Variants in AFAP1 observed in about 807,000 individuals in gnomAD.
AFAP1 encodes actin filament associated protein 1, also known as actin filament-associated protein 1.
In AFAP1, 75 loss-of-function variants were observed where a neutral mutation model predicts 93.9. The ratio of observed to expected loss-of-function variants is 0.80; its 90% CI spans 0.66 to 0.97. AFAP1 has a LOEUF of 0.97. Ranked by LOEUF, AFAP1 falls within the 50% of genes least tolerant of loss-of-function variation. The pLI is 0.00. For synonymous variants in AFAP1, 517 were observed against 430.7 expected (o/e 1.20, Z -2.48); for missense variants, 1,201 against 1,050.8 (o/e 1.14, Z -1.98).
intron 17 of AFAP1, among the ~76,000 whole-genome samples, chr4:7,764,279 G>A (rs751148062): frequency 8.5e-5 from 13 of 152,362 alleles, no homozygotes; most frequent in Middle Eastern, 3.4e-3. Flanking sequence ...AGTGGCTCAC[G>A]CCTGGAATCC....
At chr4:7,865,203 T>C (rs1429163808) in intron 3 of AFAP1, among the ~76,000 whole-genome samples, 3 of 152,134 alleles carry the variant, frequency 2.0e-5, no homozygotes, top group African/African-American at 7.2e-5. Context: ...CGGTCCTACA[T>C]CAAAACACAG....
chr4:7,771,213 G>C (rs1715381178), intron 16 of AFAP1, among the ~76,000 whole-genome samples: 1 of 152,226 alleles, frequency 6.6e-6, no homozygotes, highest in African/African-American at 2.4e-5. Flanking sequence ...ACAGTTTGTA[G>C]CACACAGAGG....
At chr4:7,893,365 C>T (rs936794940) in intron 1 of AFAP1, among the ~76,000 whole-genome samples, 3 of 151,990 alleles carry the variant, frequency 2.0e-5, no homozygotes, top group Non-Finnish European at 2.9e-5. Flanking sequence ...CGGATCACGA[C>T]GTTAGGAGAT....
intron 6 of AFAP1, among the ~76,000 whole-genome samples, chr4:7,821,968 G>A (rs911083460): frequency 6.6e-6 from 1 of 152,216 alleles, no homozygotes; most frequent in Non-Finnish European, 1.5e-5. Context: ...GCCGAGGTGT[G>A]GAAGCATGAG....
At chr4:7,839,360 A>G (rs1365497770) in intron 5 of AFAP1, among the ~76,000 whole-genome samples, 1 of 97,376 alleles carries the variant, frequency 1.0e-5, no homozygotes, top group African/African-American at 5.5e-5. Context: ...AAAACAAAAC[A>G]AAAAAACCCA....
rs1490351972 is a variant in AFAP1 at position 7,921,025 on chromosome 4, T to G, written c.-3+18631A>C. 2.6e-5 allele frequency among the ~76,000 whole-genome samples: 4 copies of G among 151,536 alleles called. No individual in the cohort carries two copies. In the East Asian group the frequency reaches 7.7e-4, roughly 29 times the overall value. The stretch of plus-strand genomic sequence containing the variant: ...CCATAAATAAATAAATAAATATGGG[T>G]TTTTTTAATACCAGTTTGCCTCCAA... On this transcript the variant is annotated intron_variant, in intron 1 of 17. Coordinates refer to ENST00000420658, the MANE Select transcript of AFAP1 (RefSeq NM_001134647.2).
intron 1 of AFAP1, among the ~76,000 whole-genome samples, chr4:7,880,250 G>C (rs929644558): frequency 6.7e-6 from 1 of 150,080 alleles, no homozygotes; most frequent in Non-Finnish European, 1.5e-5. Context: ...GGATTTGAAA[G>C]CTAGGAGGGA....
chr4:7,825,708 A>G (rs1476270654), intron 6 of AFAP1, among the ~76,000 whole-genome samples: 1 of 152,218 alleles, frequency 6.6e-6, no homozygotes, highest in Non-Finnish European at 1.5e-5. Context: ...TAAGCTAAAA[A>G]AAAGTAGAAG....
At chr4:7,783,347 C>G (rs771032076) in intron 12 of AFAP1, among the ~76,000 whole-genome samples, 8 of 152,164 alleles carry the variant, frequency 5.3e-5, no homozygotes, top group Non-Finnish European at 8.8e-5. Flanking sequence ...ACCATGTTGG[C>G]CAGGCTGGTC....
intron 9 of AFAP1, among the ~76,000 whole-genome samples, chr4:7,807,905 A>G (rs1475963621): frequency 2.0e-5 from 3 of 152,108 alleles, no homozygotes; most frequent in Non-Finnish European, 4.4e-5. Context: ...CATCCTCTGT[A>G]TTATCCTTGT....
At chr4:7,819,015 G>T in intron 7 of AFAP1, 61 bp downstream of exon 7, 1 of 1,411,892 alleles carries the variant, frequency 7.1e-7, no homozygotes, top group Non-Finnish European at 9.6e-7. Context: ...ATCAAACTTT[G>T]AAAGAGACCC....
chr4:7,923,366 T>A (rs56229515), intron 1 of AFAP1, among the ~76,000 whole-genome samples: 46,712 of 152,174 alleles, frequency 0.31, 8,916 homozygotes, highest in Non-Finnish European at 0.44. Context: ...AGGCTGGAAG[T>A]CCAAGATCAA....
intron 3 of AFAP1, among the ~76,000 whole-genome samples, chr4:7,862,528 A>G (rs2149161173): frequency 6.6e-6 from 1 of 152,214 alleles, no homozygotes; most frequent in East Asian, 1.9e-4. Context: ...AATGTACTTC[A>G]TGATACTTAA....
intron 3 of AFAP1, 84 bp from the exon 4 acceptor site, chr4:7,855,658 G>T: frequency 6.4e-6 from 7 of 1,097,440 alleles, no homozygotes; most frequent in Non-Finnish European, 9.7e-6. Context: ...GGTGTGGCCA[G>T]TCTTTTCCTC....
At chr4:7,774,556 C>A (rs1177520246) in intron 15 of AFAP1, 183 bp downstream of exon 15, 1 of 930,194 alleles carries the variant, frequency 1.1e-6, no homozygotes, top group South Asian at 1.9e-5. Flanking sequence ...TTTGACCACA[C>A]AGGCACCTGC....
intron 1 of AFAP1, among the ~76,000 whole-genome samples, chr4:7,910,573 C>G (rs968390042): frequency 6.6e-6 from 1 of 152,224 alleles, no homozygotes; most frequent in East Asian, 1.9e-4. Flanking sequence ...GGGCAACAGA[C>G]TACACTCACG....
At chr4:7,894,412 C>T (rs533129699) in intron 1 of AFAP1, among the ~76,000 whole-genome samples, 1 of 152,262 alleles carries the variant, frequency 6.6e-6, no homozygotes, top group African/African-American at 2.4e-5. Context: ...AACCTGAAGA[C>T]AAAGGATATG....
At chr4:7,865,569 G>C (rs1199967471) in intron 3 of AFAP1, among the ~76,000 whole-genome samples, 1 of 152,190 alleles carries the variant, frequency 6.6e-6, no homozygotes, top group Non-Finnish European at 1.5e-5. Flanking sequence ...TCATAGGCCA[G>C]GGAAAGCAAG....
At chr4:7,769,206 C>T (rs1413108068) in intron 16 of AFAP1, among the ~76,000 whole-genome samples, 198 bp from the exon 17 acceptor site, 1 of 152,218 alleles carries the variant, frequency 6.6e-6, no homozygotes, top group Non-Finnish European at 1.5e-5. Flanking sequence ...GGGGCAGAGG[C>T]TCCGACGGGC....
Sources: allele counts gnomAD v4.1 joint callset (sites outside exome capture counted in the v4.1 genomes callset), GRCh38; gene constraint gnomAD v4.1.1; transcripts MANE v1.5; gene names NCBI Gene and HGNC (gene_info 2026-07-23, HGNC 2026-07-21).